FAM135B: variants seen among roughly 807,000 people sequenced by gnomAD.
FAM135B encodes protein FAM135B.
Under a neutral mutation model 127.7 loss-of-function variants are expected in FAM135B, and 43 were observed. That is an observed-to-expected ratio of 0.34 (90% CI 0.26 to 0.43). The LOEUF is 0.43. Among genes scored for constraint, FAM135B ranks in the 20% least tolerant of loss-of-function variants. The probability of loss-of-function intolerance (pLI) is 1.00; values close to 1 mark genes in which losing one functional copy is unlikely to be tolerated. For missense variants in FAM135B, 1,558 were observed against 1,725.6 expected (o/e 0.90, Z 1.72); for synonymous variants, 670 against 665.1 (o/e 1.01, Z -0.11).
At chr8:138,205,630 C>T (rs76874392) in intron 7 of FAM135B, among the ~76,000 whole-genome samples, 6,224 of 152,192 alleles carry the variant, frequency 0.041, 215 homozygotes, top group East Asian at 0.15. Context: ...TCAGTAATAC[C>T]TAAATTATGT....
At chr8:138,189,555 C>G (rs1304499225) in intron 9 of FAM135B, among the ~76,000 whole-genome samples, 1 of 152,246 alleles carries the variant, frequency 6.6e-6, no homozygotes, top group African/African-American at 2.4e-5. Context: ...GACTGTAACA[C>G]TCCTTCTGGG....
chr8:138,181,132 T>C (rs1382545889), intron 9 of FAM135B, among the ~76,000 whole-genome samples: 1 of 151,558 alleles, frequency 6.6e-6, no homozygotes, highest in Admixed American at 6.6e-5. Flanking sequence ...TCCCAGCTAA[T>C]CGGGAGGCTG....
intron 6 of FAM135B, among the ~76,000 whole-genome samples, chr8:138,246,740 C>T (rs548912834): frequency 2.0e-5 from 3 of 152,238 alleles, no homozygotes; most frequent in East Asian, 3.9e-4. Context: ...GCCACCATCC[C>T]CCAGACTCCA....
intron 1 of FAM135B, among the ~76,000 whole-genome samples, chr8:138,457,559 C>T (rs988177924): frequency 1.3e-5 from 2 of 152,198 alleles, no homozygotes; most frequent in African/African-American, 4.8e-5. Flanking sequence ...CCATCAGTCA[C>T]AGGGGAGCCA....
intron 9 of FAM135B, among the ~76,000 whole-genome samples, chr8:138,183,327 G>A (rs927835241): frequency 6.6e-6 from 1 of 152,142 alleles, no homozygotes; most frequent in Non-Finnish European, 1.5e-5. Context: ...CAAGATTACA[G>A]ATAGTAAGTG....
intron 1 of FAM135B, among the ~76,000 whole-genome samples, chr8:138,416,603 T>G (rs1050334615): frequency 2.6e-5 from 4 of 152,144 alleles, no homozygotes; most frequent in Admixed American, 1.3e-4. Context: ...TATACACCAA[T>G]GTATGTCAGA....
intron 3 of FAM135B, among the ~76,000 whole-genome samples, chr8:138,268,354 G>T (rs1251343448): frequency 6.6e-6 from 1 of 152,156 alleles, no homozygotes; most frequent in Non-Finnish European, 1.5e-5. Context: ...AATTTGAGCA[G>T]ATTGGCAAAC....
chr8:138,349,917 A>G (rs887970502), intron 2 of FAM135B, among the ~76,000 whole-genome samples: 2 of 152,270 alleles, frequency 1.3e-5, no homozygotes, highest in African/African-American at 4.8e-5. Context: ...CATCTTCATG[A>G]TGATGATCAA....
chr8:138,453,739 G>A (rs1836624282), intron 1 of FAM135B, among the ~76,000 whole-genome samples: 1 of 152,150 alleles, frequency 6.6e-6, no homozygotes. Flanking sequence ...AGGTCTTGGA[G>A]CCAGGCTGCC....
intron 1 of FAM135B, among the ~76,000 whole-genome samples, chr8:138,447,815 A>T (rs2131577448): frequency 6.6e-6 from 1 of 151,522 alleles, no homozygotes; most frequent in South Asian, 2.1e-4. Context: ...AATAATAAAA[A>T]AAAAAAGAAA....
chr8:138,370,202 A>C (rs1831025490), intron 1 of FAM135B, among the ~76,000 whole-genome samples: 1 of 152,182 alleles, frequency 6.6e-6, no homozygotes, highest in Non-Finnish European at 1.5e-5. Flanking sequence ...GGTAGAGTTA[A>C]TATTTAGAAG....
intron 6 of FAM135B, among the ~76,000 whole-genome samples, chr8:138,249,714 G>A (rs945237932): frequency 3.9e-5 from 6 of 152,206 alleles, no homozygotes; most frequent in South Asian, 4.1e-4. Flanking sequence ...AACAGCAAAC[G>A]TAGTGAAAAT....
chr8:138,237,360 CA>C (rs1820382549), intron 7 of FAM135B, among the ~76,000 whole-genome samples: 1 of 152,014 alleles, frequency 6.6e-6, no homozygotes, highest in Admixed American at 6.6e-5. Flanking sequence ...GGGGTTTCTC[CA>C]TGTTGGCCAG....
At chr8:138,370,139 T>A (rs1831021232) in intron 1 of FAM135B, among the ~76,000 whole-genome samples, 1 of 152,178 alleles carries the variant, frequency 6.6e-6, no homozygotes, top group East Asian at 1.9e-4. Flanking sequence ...TCCAGGAGCC[T>A]GGGTTTTCCA....
At chr8:138,170,865 C>T (rs978762796) in intron 11 of FAM135B, among the ~76,000 whole-genome samples, 3 of 152,150 alleles carry the variant, frequency 2.0e-5, no homozygotes, top group South Asian at 2.1e-4. Flanking sequence ...AGTTGGGTCC[C>T]GGATGAAATG....
chr8:138,168,168 C>A (rs531572233), intron 11 of FAM135B, 119 bp from the exon 12 acceptor site: 1 of 1,169,954 alleles, frequency 8.5e-7, no homozygotes, highest in East Asian at 2.6e-5. Context: ...CAATTGTCTG[C>A]CCATCATCCT....
chr8:138,309,108 T>G (rs1826474750), intron 3 of FAM135B: 1 of 406,254 alleles, frequency 2.5e-6, no homozygotes, highest in Admixed American at 2.9e-5. Flanking sequence ...TTTATCCTCA[T>G]ATTTCAGGAA....
chr8:138,413,342 T>A (rs545395390), intron 1 of FAM135B, among the ~76,000 whole-genome samples: 4 of 152,098 alleles, frequency 2.6e-5, no homozygotes, highest in African/African-American at 9.7e-5. Flanking sequence ...CTACTCCCCC[T>A]GCCACAAATA....
intron 1 of FAM135B, among the ~76,000 whole-genome samples, chr8:138,428,538 T>C (rs1023456039): frequency 9.2e-5 from 14 of 152,126 alleles, no homozygotes; most frequent in African/African-American, 3.4e-4. Flanking sequence ...ATTGGAGTCA[T>C]GATTCCTCAA....
Sources: gnomAD v4.1 joint callset for allele counts (sites outside exome capture counted in the v4.1 genomes callset) on GRCh38, gnomAD v4.1.1 for gene constraint, MANE v1.5 for transcripts, NCBI Gene and HGNC (gene_info 2026-07-23, HGNC 2026-07-21) for gene names.